The following PDS5A variants were observed in gnomAD, a reference collection of about 807,000 sequenced individuals.
The protein encoded by PDS5A is sister chromatid cohesion protein PDS5 homolog A.
In PDS5A, 42 loss-of-function variants were observed where a neutral mutation model predicts 167.1. The observed-to-expected ratio is 0.25, with a 90% CI of 0.20 to 0.33. The LOEUF is 0.33. PDS5A is among the 10% of genes least tolerant of loss of function. The pLI is 1.00. For missense variants in PDS5A, 1,033 were observed against 1,605.9 expected (o/e 0.64, Z 6.10); for synonymous variants, 553 against 554.6 (o/e 1.00, Z 0.04).
chr4:39,920,891 T>C (rs1490195287), intron 6 of PDS5A, among the ~76,000 whole-genome samples: 2 of 152,216 alleles, frequency 1.3e-5, no homozygotes, highest in Admixed American at 6.5e-5. Flanking sequence ...AAATGCTTAA[T>C]ACTATGCTCC....
chr4:39,921,651 C>A (rs1472432990), intron 6 of PDS5A, among the ~76,000 whole-genome samples: 3 of 149,638 alleles, frequency 2.0e-5, no homozygotes, highest in African/African-American at 7.4e-5. Flanking sequence ...ACTTGGGAGG[C>A]TGAGGTAGGA....
intron 31 of PDS5A, among the ~76,000 whole-genome samples, chr4:39,838,575 T>C (rs1382381833): frequency 6.6e-6 from 1 of 152,130 alleles, no homozygotes; most frequent in East Asian, 1.9e-4. Context: ...TTTAAAAAAT[T>C]AGCCGGGCAT....
intron 32 of PDS5A, among the ~76,000 whole-genome samples, chr4:39,835,137 A>C (rs1057440500): frequency 6.6e-6 from 1 of 152,020 alleles, no homozygotes; most frequent in African/African-American, 2.4e-5. Context: ...ACAGGCTTTC[A>C]CCATATTGGT....
In PDS5A at chr4:39,873,005, T is replaced by C. The variant is rs1720180445; in HGVS notation, c.2417A>G (p.Asp806Gly). The C allele has an allele frequency of 3.3e-6, 5 of 1,516,906 alleles. No homozygotes were observed. The highest frequency in any genetic ancestry group is 4.5e-6 in the Non-Finnish European group (5 of 1,115,818). The allele number at this position is 1,516,906 out of a possible 1,614,324, so 94.0% of individuals were successfully genotyped here. A position where few individuals can be genotyped will look rare whatever the true frequency, so the allele number is the denominator to read the frequency against. ...ACTTACCCTGTCATTCATTAGCAGA[T>C]CTTTCACAATAAAATTTGCTACTAC... ...KSVVANFIVK[D>G]LLMNDRSTGE... The change falls in exon 21 of 33, where the codon GAT (aspartate) becomes GGT (glycine). Residue 806 changes from aspartate (D) to glycine (G), a missense_variant. Asp to Gly is a moderately conservative substitution (Grantham distance 94, BLOSUM62 -1). This residue lies in a region of PDS5A where 367 missense variants were observed against 686.7 expected (regional missense o/e 0.53). Transcript: ENST00000303538.
intron 11 of PDS5A, among the ~76,000 whole-genome samples, chr4:39,905,965 A>G (rs893228631): frequency 3.3e-5 from 5 of 151,844 alleles, no homozygotes; most frequent in African/African-American, 1.2e-4. Context: ...AAGACAAATT[A>G]GATAACAAGA....
chr4:39,885,098 C>A (rs186262794), intron 17 of PDS5A, among the ~76,000 whole-genome samples: 85 of 148,680 alleles, frequency 5.7e-4, no homozygotes, highest in African/African-American at 2.0e-3. Flanking sequence ...CCCTGCTCTA[C>A]TAAAAATACA....
intron 21 of PDS5A, among the ~76,000 whole-genome samples, chr4:39,870,538 A>C (rs1719931641): frequency 6.6e-6 from 1 of 152,108 alleles, no homozygotes; most frequent in African/African-American, 2.4e-5. Flanking sequence ...TGATGAGCCA[A>C]GGTTGCGCTA....
At chr4:39,904,316 C>G in intron 11 of PDS5A, 125 bp from the exon 12 acceptor site, 1 of 508,460 alleles carries the variant, frequency 2.0e-6, no homozygotes, top group Admixed American at 4.0e-5. Flanking sequence ...CACACTATTT[C>G]TCTTCAAAAG....
At chr4:39,969,110 T>C (rs1436410146) in intron 2 of PDS5A, among the ~76,000 whole-genome samples, 1 of 152,220 alleles carries the variant, frequency 6.6e-6, no homozygotes, top group Non-Finnish European at 1.5e-5. Flanking sequence ...TACTAAACTA[T>C]TGGCCATCCT....
At chr4:39,882,850 A>C (rs893856872) in intron 17 of PDS5A, among the ~76,000 whole-genome samples, 5 of 152,172 alleles carry the variant, frequency 3.3e-5, no homozygotes, top group African/African-American at 1.2e-4. Flanking sequence ...ATGATGAAAA[A>C]GACGATCTCA....
At chr4:39,920,238 T>G (rs1724823054) in intron 7 of PDS5A, 81 bp downstream of exon 7, 1 of 606,998 alleles carries the variant, frequency 1.6e-6, no homozygotes, top group East Asian at 3.2e-5. Context: ...TAAATAAACT[T>G]TTATGTAAGA....
At chr4:39,831,023 ACCTGGGTTTCCTCCACTTTT>A (rs1234613014) in intron 32 of PDS5A, among the ~76,000 whole-genome samples, 2 of 152,242 alleles carry the variant, frequency 1.3e-5, no homozygotes, top group African/African-American at 4.8e-5. Flanking sequence ...AGCCCTTTAT[ACCTGGGTTTCCTCCACTTTT>A]GGGAGGAAAT....
chr4:39,929,344 T>C (rs1441728262), intron 2 of PDS5A, among the ~76,000 whole-genome samples: 4 of 151,456 alleles, frequency 2.6e-5, no homozygotes, highest in Admixed American at 2.0e-4. Flanking sequence ...CAGAAAAACA[T>C]GAAAAGGGAC....
intron 26 of PDS5A, among the ~76,000 whole-genome samples, chr4:39,860,103 A>G (rs1718860167): frequency 1.3e-5 from 2 of 152,170 alleles, no homozygotes; most frequent in South Asian, 4.1e-4. Context: ...TTCTCAAAAA[A>G]ACAAAAACAG....
intron 26 of PDS5A, among the ~76,000 whole-genome samples, chr4:39,852,123 C>A (rs772380665): frequency 6.6e-5 from 10 of 152,092 alleles, no homozygotes; most frequent in Non-Finnish European, 1.5e-4. Flanking sequence ...TAATTTTATG[C>A]AGATATGCTG....
chr4:39,946,429 C>G (rs1727776765), intron 2 of PDS5A, among the ~76,000 whole-genome samples: 2 of 151,858 alleles, frequency 1.3e-5, no homozygotes, highest in African/African-American at 2.4e-5. Flanking sequence ...TGGGCATCGC[C>G]TTCCTATATC....
At chr4:39,890,225 G>T in intron 17 of PDS5A, 24 bp downstream of exon 17, 2 of 1,210,604 alleles carry the variant, frequency 1.7e-6, no homozygotes, top group Non-Finnish European at 2.4e-6. Context: ...ATTTATTTTT[G>T]AGCGAATATA....
In PDS5A at chr4:39,898,349, A is replaced by C. The variant is rs755582092; in HGVS notation, c.1770+40T>G. The C allele has an allele frequency of 1.2e-5, 18 of 1,500,664 alleles. No homozygotes were observed. The South Asian group carries it at 2.3e-4, about 19-fold the overall frequency. The allele number at this position is 1,500,664 out of a possible 1,614,324, so 93.0% of individuals were successfully genotyped here. A position where few individuals can be genotyped will look rare whatever the true frequency, so the allele number is the denominator to read the frequency against. ...CTTTAATAAAATACATATTTCTGTA[A>C]GTAAAGCTAGAGAAAAAGTGTGAAG... On this transcript the variant is annotated intron_variant, in intron 16 of 32. Coordinates refer to ENST00000303538, the MANE Select transcript of PDS5A (RefSeq NM_001100399.2).
At chr4:39,958,152 A>G (rs887699826) in intron 2 of PDS5A, among the ~76,000 whole-genome samples, 4 of 152,114 alleles carry the variant, frequency 2.6e-5, no homozygotes, top group African/African-American at 4.8e-5. Context: ...TTTGCCTCCC[A>G]AAGTGCTGAG....
Sources: allele counts gnomAD v4.1 joint callset (sites outside exome capture counted in the v4.1 genomes callset), GRCh38; gene constraint gnomAD v4.1.1; regional missense constraint gnomAD v4.1.1; transcripts MANE v1.5; gene names NCBI Gene and HGNC (gene_info 2026-07-23, HGNC 2026-07-21).